Variants in CPPED1 observed in about 807,000 individuals in gnomAD.
The protein encoded by CPPED1 is calcineurin like phosphoesterase domain containing 1, also known as serine/threonine-protein phosphatase CPPED1.
Under a neutral mutation model 28.0 loss-of-function variants are expected in CPPED1, and 28 were observed. That is an observed-to-expected ratio of 1.00 (90% CI 0.74 to 1.37). The LOEUF (loss-of-function observed/expected upper bound fraction) is 1.37. Among genes scored for constraint, CPPED1 ranks in the 40% most tolerant of loss-of-function variants. CPPED1 has a pLI of 0.00. For missense variants in CPPED1, 504 were observed against 416.5 expected (o/e 1.21, Z -1.83); for synonymous variants, 198 against 180.2 (o/e 1.10, Z -0.79).
At chr16:12,740,025 G>GAAAGAAAAGAAAAGAAAAGAAAAGA (rs143957219) in intron 2 of CPPED1, among the ~76,000 whole-genome samples, 338 of 128,612 alleles carry the variant, frequency 2.6e-3, no homozygotes, top group Middle Eastern at 0.016. Flanking sequence ...AAAGACGAAA[G>GAAAGAAAAGAAAAGAAAAGAAAAGA]AAAGAAAAGA....
intron 2 of CPPED1, among the ~76,000 whole-genome samples, chr16:12,756,110 A>G (rs903788811): frequency 2.0e-5 from 3 of 150,086 alleles, no homozygotes; most frequent in African/African-American, 7.5e-5. Context: ...CAGCCTGGGC[A>G]ACAGAGCGAA....
Position 12,676,380 on chromosome 16 carries a change from G to A in CPPED1, c.716-11265C>T, listed in dbSNP as rs375955678. 1.1e-4 allele frequency among the ~76,000 whole-genome samples: 17 copies of A among 152,212 alleles called. No homozygotes were observed. In the East Asian group the frequency reaches 1.4e-3, roughly 12 times the overall value. ...CTACTCATAACAAAATGCAGAAATCGACATCACTCAGCAGCGTTTTATTCG... is the reference window on the plus strand; with the variant it reads ...CTACTCATAACAAAATGCAGAAATCAACATCACTCAGCAGCGTTTTATTCG... On this transcript the variant is annotated intron_variant, in intron 3 of 3. Transcript: ENST00000381774.
At chr16:12,800,621 C>A (rs146684720) in intron 1 of CPPED1, among the ~76,000 whole-genome samples, 5 of 152,286 alleles carry the variant, frequency 3.3e-5, no homozygotes, top group South Asian at 4.1e-4. Context: ...TGCTTCCTCA[C>A]ACATCCAGCT....
intron 2 of CPPED1, among the ~76,000 whole-genome samples, chr16:12,737,348 AG>A (rs1289473251): frequency 6.6e-6 from 1 of 152,184 alleles, no homozygotes; most frequent in Non-Finnish European, 1.5e-5. Flanking sequence ...GAGCAGGCAG[AG>A]GGAACAGTGT....
intron 3 of CPPED1, among the ~76,000 whole-genome samples, chr16:12,695,569 C>G (rs2079985622): frequency 6.6e-6 from 1 of 152,214 alleles, no homozygotes; most frequent in Non-Finnish European, 1.5e-5. Context: ...CCATGCCCAG[C>G]CTTCTTTATA....
At chr16:12,683,169 T>C (rs1348147934) in intron 3 of CPPED1, among the ~76,000 whole-genome samples, 2 of 152,190 alleles carry the variant, frequency 1.3e-5, no homozygotes, top group African/African-American at 2.4e-5. Flanking sequence ...CGTAAGGACC[T>C]TGGGTAAGTG....
intron 2 of CPPED1, among the ~76,000 whole-genome samples, chr16:12,736,763 T>C (rs1180079443): frequency 2.6e-5 from 4 of 152,252 alleles, no homozygotes; most frequent in African/African-American, 9.6e-5. Context: ...ATGGAGCTTA[T>C]GTTTTAATGG....
intron 2 of CPPED1, among the ~76,000 whole-genome samples, chr16:12,712,305 G>C (rs1475434937): frequency 6.6e-6 from 1 of 152,152 alleles, no homozygotes; most frequent in East Asian, 1.9e-4. Context: ...TCAAGCCAGG[G>C]CATCAACTAT....
intron 2 of CPPED1, among the ~76,000 whole-genome samples, chr16:12,735,650 C>CAATATGTATA (rs1457840505): frequency 1.3e-5 from 2 of 152,156 alleles, no homozygotes; most frequent in African/African-American, 4.8e-5. Context: ...ATAACTATAC[C>CAATATGTATA]ACCTGCTTCA....
At chr16:12,699,414 G>C (rs2080008457) in intron 3 of CPPED1, among the ~76,000 whole-genome samples, 2 of 151,918 alleles carry the variant, frequency 1.3e-5, no homozygotes. Context: ...GAGGCTGGCA[G>C]GCTTCGATTC....
intron 2 of CPPED1, among the ~76,000 whole-genome samples, chr16:12,766,242 A>AATATATATATAT (rs71393703): frequency 0.019 from 2,375 of 125,792 alleles, 33 homozygotes; most frequent in Middle Eastern, 0.036. Flanking sequence ...AAAAAATACA[A>AATATATATATAT]ATATATATAT....
chr16:12,737,121 T>G (rs988828902), intron 2 of CPPED1, among the ~76,000 whole-genome samples: 4 of 151,582 alleles, frequency 2.6e-5, no homozygotes, highest in African/African-American at 9.7e-5. Flanking sequence ...ACCCGGGAGG[T>G]GGAGGTTGCA....
chr16:12,761,560 A>G (rs188690754), intron 2 of CPPED1, among the ~76,000 whole-genome samples: 107 of 152,344 alleles, frequency 7.0e-4, no homozygotes, highest in Middle Eastern at 3.4e-3. Flanking sequence ...AGGTTTACCC[A>G]ATGATAATGA....
At chr16:12,774,501 T>G (rs2080486653) in intron 2 of CPPED1, among the ~76,000 whole-genome samples, 1 of 152,078 alleles carries the variant, frequency 6.6e-6, no homozygotes, top group African/African-American at 2.4e-5. Flanking sequence ...GTCATCTGCC[T>G]TATTAACAAG....
chr16:12,668,888 T>C (rs868200122), intron 3 of CPPED1, among the ~76,000 whole-genome samples: 2 of 152,236 alleles, frequency 1.3e-5, no homozygotes, highest in Admixed American at 1.3e-4. Context: ...GGTGGGAAAG[T>C]AAAATGGTAC....
chr16:12,666,436 G>T (rs1025476811), intron 3 of CPPED1, among the ~76,000 whole-genome samples: 4 of 152,232 alleles, frequency 2.6e-5, no homozygotes, highest in African/African-American at 7.2e-5. Context: ...TGTTGTGGGT[G>T]CCTCCGTTTA....
chr16:12,681,609 G>C (rs995464148), intron 3 of CPPED1, among the ~76,000 whole-genome samples: 3 of 152,150 alleles, frequency 2.0e-5, no homozygotes, highest in Admixed American at 1.3e-4. Flanking sequence ...AAGAATGTGG[G>C]AGATGGGGAT....
At chr16:12,696,640 A>G (rs1030143984) in intron 3 of CPPED1, among the ~76,000 whole-genome samples, 1 of 151,550 alleles carries the variant, frequency 6.6e-6, no homozygotes, top group Non-Finnish European at 1.5e-5. Flanking sequence ...ATGGGGTTTC[A>G]CCATGTTGGC....
rs369913287 is a variant in CPPED1, at chr16:12,781,142, C to T, written c.289+43G>A. 63 of 1,558,052 alleles carry T rather than the reference C, an allele frequency of 4.0e-5. No individual in the cohort carries two copies. In the East Asian group the frequency reaches 5.8e-4, roughly 14 times the overall value. ...TCTCCTGCCCAAATGCAGTCATGAC[C>T]GGCTGAAGGAGAAAAGGTCACAAGC... On this transcript the variant is annotated intron_variant, in intron 2 of 3. Coordinates refer to ENST00000381774, the MANE Select transcript of CPPED1 (RefSeq NM_018340.3).
Sources: allele counts gnomAD v4.1 joint callset (sites outside exome capture counted in the v4.1 genomes callset), GRCh38; gene constraint gnomAD v4.1.1; transcripts MANE v1.5; gene names NCBI Gene and HGNC (gene_info 2026-07-23, HGNC 2026-07-21).